The following PNPLA6 variants were observed in gnomAD, a reference collection of about 807,000 sequenced individuals.
PNPLA6 encodes the protein patatin-like phospholipase domain-containing protein 6.
Under a neutral mutation model 153.7 loss-of-function variants are expected in PNPLA6, and 105 were observed. The observed-to-expected ratio is 0.68, with a 90% confidence interval of 0.58 to 0.80. The LOEUF (loss-of-function observed/expected upper bound fraction) is 0.80. Ranked by LOEUF, PNPLA6 falls within the 30% of genes least tolerant of loss-of-function variation. The pLI is 0.00. For missense variants in PNPLA6, 1,423 were observed against 1,919.3 expected, an observed-to-expected ratio of 0.74 and a Z score of 4.83; for synonymous variants, 825 against 822.2, an observed-to-expected ratio of 1.00 and a Z score of -0.06.
In PNPLA6 at chr19:7,550,092, C is replaced by T. The variant is rs769141895; in HGVS notation, c.1794C>T (p.Ile598=). The T allele has an allele frequency of 5.6e-6, 9 of 1,614,010 alleles. No individual in the cohort carries two copies. Among genetic ancestry groups the T allele is most frequent in the South Asian group, 1.1e-5 (1 of 91,092 alleles). Residue 598 remains isoleucine (I), a synonymous_variant, in exon 14 of 32, where the codon ATC becomes ATT. Coordinates refer to ENST00000600737, the MANE Select transcript of PNPLA6 (RefSeq NM_001166114.2). ...AACGCGACTGCACCTTCCTGCGGATCTCCAAGTCCGACTTCTATGAGTATG... is the reference window on the plus strand; with the variant it reads ...AACGCGACTGCACCTTCCTGCGGATTTCCAAGTCCGACTTCTATGAGTATG... ...RAQRDCTFLR[I]SKSDFYEIMR...
intron 31 of PNPLA6, 77 bp downstream of exon 31, chr19:7,561,394 G>A (rs1440126610): frequency 4.2e-6 from 6 of 1,425,506 alleles, no homozygotes; most frequent in East Asian, 4.7e-5. Context: ...GGAGCCGGGG[G>A]CGTATTTGAG....
intron 28 of PNPLA6, 40 bp from the exon 29 acceptor site, chr19:7,560,608 C>G (rs2024058169): frequency 7.4e-7 from 1 of 1,344,998 alleles, no homozygotes; most frequent in African/African-American, 1.4e-5. Context: ...ACAAGCAAAG[C>G]AGGGTTGCAG....
At chr19:7,552,013 G>A (rs1036444147) in intron 18 of PNPLA6, among the ~76,000 whole-genome samples, 1 of 152,148 alleles carries the variant, frequency 6.6e-6, no homozygotes, top group Non-Finnish European at 1.5e-5. Flanking sequence ...AGGCTGAGGC[G>A]GGAGGATTGA....
intron 25 of PNPLA6, 33 bp downstream of exon 25, chr19:7,556,602 C>A: frequency 1.3e-6 from 2 of 1,584,718 alleles, no homozygotes; most frequent in Non-Finnish European, 8.7e-7. Flanking sequence ...CCTGCCTACC[C>A]CTCCCCGGAG....
rs572564433 is a variant in PNPLA6 at position 7,540,843 on chromosome 19, C to A, written c.796-80C>A. 1 of 1,594,728 alleles carries A rather than the reference C, an allele frequency of 6.3e-7. No homozygotes were observed. The highest frequency in any genetic ancestry group is 2.2e-5 in the East Asian group (1 of 44,756). On this transcript the variant is annotated intron_variant, in intron 6 of 31. Coordinates refer to ENST00000600737, the MANE Select transcript of PNPLA6 (RefSeq NM_001166114.2). This position sits in a 1 kb window ranked among gnomAD's most constrained non-coding sequence, Gnocchi z 6.8. ...TGCCGATGGCCCCTCACGGGACTGG[C>A]GCCAGGAAGGATTAGGGGAGTAGCG...
Position 7,541,504 on chromosome 19 carries a change from G to A in PNPLA6, c.1006-18G>A, listed in dbSNP as rs755618226. 2 of 1,611,344 alleles carry A rather than the reference G, an allele frequency of 1.2e-6. No homozygotes were observed. The highest frequency in any genetic ancestry group is 1.7e-6 in the Non-Finnish European group (2 of 1,178,962). On this transcript the variant is annotated intron_variant, in intron 8 of 31. Coordinates refer to ENST00000600737, the MANE Select transcript of PNPLA6 (RefSeq NM_001166114.2). The surrounding 1 kb of genome is among the most constrained non-coding windows in gnomAD (Gnocchi z 5.2). ...GTCTCCCTCCCAGGACAGGCCACAA[G>A]CTGTTCTCTGCCCCCAGGAGATCCA...
At chr19:7,534,966 C>G, upstream of PNPLA6, 1 of 161,002 alleles carries the variant, frequency 6.2e-6, no homozygotes, top group Non-Finnish European at 1.4e-5. Flanking sequence ...GCTCCTGGGT[C>G]TTCCCCGGGG....
intron 19 of PNPLA6, 32 bp from the exon 20 acceptor site, chr19:7,554,177 G>A (rs376639290): frequency 1.2e-6 from 2 of 1,607,984 alleles, no homozygotes; most frequent in African/African-American, 2.7e-5. Flanking sequence ...GTGGACCATG[G>A]TTCCCAGCCT....
intron 13 of PNPLA6, among the ~76,000 whole-genome samples, chr19:7,547,765 G>A (rs2023444295): frequency 6.7e-6 from 1 of 148,566 alleles, no homozygotes; most frequent in Non-Finnish European, 1.5e-5. Flanking sequence ...AGCCTCCAGA[G>A]TAGCCAGGAC....
chr19:7,539,871 C>A, intron 3 of PNPLA6, 47 bp from the exon 4 acceptor site: 1 of 1,342,896 alleles, frequency 7.4e-7, no homozygotes, highest in South Asian at 1.3e-5. Flanking sequence ...TTTGCCTGAG[C>A]CTTCTCCGTG....
At position 7,539,963 on chromosome 19, in the gene PNPLA6, GC is replaced by G; in HGVS notation, c.464del (p.Pro155ArgfsTer5). The G allele has an allele frequency of 6.4e-7, 1 of 1,572,840 alleles. No homozygotes were observed. Among genetic ancestry groups the G allele is most frequent in the East Asian group, 2.3e-5 (1 of 42,600 alleles). On this transcript the variant is annotated frameshift_variant, in exon 4 of 32. Coordinates refer to ENST00000600737, the MANE Select transcript of PNPLA6 (RefSeq NM_001166114.2). LOFTEE classifies it high-confidence loss of function. ...AGACGCCCACGCTGCAGCGGAAGGAGCCCCCGCCCGCAGTGCTAGAAGCTGA... is the reference window on the plus strand; with the variant it reads ...AGACGCCCACGCTGCAGCGGAAGGAGCCCCGCCCGCAGTGCTAGAAGCTGA... ...KETPTLQRKE[P>X]PPAVLEADLT...
Position 7,554,875 on chromosome 19 carries a change from G to A in PNPLA6, c.2635-18G>A. On this transcript the variant is annotated intron_variant, in intron 21 of 31. Coordinates refer to ENST00000600737, the MANE Select transcript of PNPLA6 (RefSeq NM_001166114.2). ...GGTGGTGGGGCGGCTGGTGACCTCA[G>A]CCGTCCGTATTCCGCAGCTGGAGCA... The A allele has an allele frequency of 1.3e-6, 2 of 1,576,886 alleles. No individual in the cohort carries two copies. The highest frequency in any genetic ancestry group is 8.6e-7 in the Non-Finnish European group (1 of 1,166,224).
intron 13 of PNPLA6, among the ~76,000 whole-genome samples, chr19:7,548,355 A>G (rs1306400075): frequency 6.6e-6 from 1 of 151,090 alleles, no homozygotes; most frequent in Non-Finnish European, 1.5e-5. Context: ...AAACCAACAA[A>G]CCAAAAAACC....
At chr19:7,535,431 G>A, upstream of PNPLA6, 2 of 1,059,202 alleles carry the variant, frequency 1.9e-6, no homozygotes, top group Non-Finnish European at 2.9e-6. This position sits in a 1 kb window ranked among gnomAD's most constrained non-coding sequence, Gnocchi z 5.0. Context: ...CTTGAGCTGG[G>A]GGCAGGGCTT....
Position 7,542,742 on chromosome 19 carries a change from A to G in PNPLA6, c.1363-19A>G. Reference sequence around the variant, plus strand: ...GGCTGGGAGGGAGCATCAGGAGGTCACAAGCCTGCCCCACTCAGACCCCCA... The same window carrying G: ...GGCTGGGAGGGAGCATCAGGAGGTCGCAAGCCTGCCCCACTCAGACCCCCA... On this transcript the variant is annotated intron_variant, in intron 11 of 31. Transcript: ENST00000600737. The G allele has an allele frequency of 6.2e-7, 1 of 1,612,840 alleles. No homozygotes were observed. Among genetic ancestry groups the G allele is most frequent in the South Asian group, 1.1e-5 (1 of 91,086 alleles).
intron 3 of PNPLA6, 30 bp from the exon 4 acceptor site, chr19:7,539,888 T>G: frequency 1.0e-4 from 66 of 641,358 alleles, no homozygotes; most frequent in Non-Finnish European, 1.5e-4. Context: ...CGTGCCCCCC[T>G]CACCCCCGGC....
Position 7,542,756 on chromosome 19 carries a change from C to G in PNPLA6, c.1363-5C>G. 1 of 1,612,948 alleles carries G rather than the reference C, an allele frequency of 6.2e-7. No individual in the cohort carries two copies. Among genetic ancestry groups the G allele is most frequent in the Non-Finnish European group, 8.5e-7 (1 of 1,179,908 alleles). On this transcript the variant is annotated splice_region_variant and splice_polypyrimidine_tract_variant and intron_variant, in intron 11 of 31. Transcript: ENST00000600737. ...ATCAGGAGGTCACAAGCCTGCCCCA[C>G]TCAGACCCCCACTCAGGAGCCTCGT... is the stretch of plus-strand genomic sequence containing the variant.
At position 7,539,904 on chromosome 19, in the gene PNPLA6, T is replaced by C. The variant is rs953147743; in HGVS notation, c.414-14T>C. 29 of 896,746 alleles carry C rather than the reference T, an allele frequency of 3.2e-5. No individual in the cohort carries two copies. The highest frequency in any genetic ancestry group is 4.1e-4 in the Middle Eastern group (1 of 2,450). 55.5% of individuals were successfully genotyped at this position (896,746 alleles called of 1,614,324 possible). A position where few individuals can be genotyped will look rare whatever the true frequency, so the allele number is the denominator to read the frequency against. On this transcript the variant is annotated splice_polypyrimidine_tract_variant and intron_variant, in intron 3 of 31. Transcript: ENST00000600737. ...GTGCCCCCCTCACCCCCGGCACCCCTCCCCTCCCACCAGGATCCTGCGCAT... is the reference window on the plus strand; with the variant it reads ...GTGCCCCCCTCACCCCCGGCACCCCCCCCCTCCCACCAGGATCCTGCGCAT...
chr19:7,549,418 C>G (rs2023542329), intron 13 of PNPLA6, among the ~76,000 whole-genome samples: 1 of 151,644 alleles, frequency 6.6e-6, no homozygotes. Flanking sequence ...GATCTCCTGA[C>G]CTCTTGATCC....
Sources: gnomAD v4.1 joint callset for allele counts (sites outside exome capture counted in the v4.1 genomes callset) on GRCh38, gnomAD v4.1.1 for gene constraint, Gnocchi (gnomAD v3.1) non-coding constraint, MANE v1.5 for transcripts, NCBI Gene and HGNC (gene_info 2026-07-23, HGNC 2026-07-21) for gene names.